Variants in GALNT13 observed in about 807,000 individuals in gnomAD.
GALNT13 encodes polypeptide N-acetylgalactosaminyltransferase 13, also known as UDP-GalNAc:polypeptide N-acetylgalactosaminyltransferase 13.
A neutral mutation model predicts 64.2 loss-of-function variants in GALNT13; 28 were observed. The observed-to-expected ratio is 0.44, with a 90% confidence interval of 0.32 to 0.60. GALNT13 has a LOEUF of 0.60. Among genes scored for constraint, GALNT13 ranks in the 20% least tolerant of loss-of-function variants. The probability of loss-of-function intolerance (pLI) is 0.05; values close to 1 mark genes in which losing one functional copy is unlikely to be tolerated. For synonymous variants in GALNT13, 214 were observed against 224.6 expected, an observed-to-expected ratio of 0.95 and a Z score of 0.42; for missense variants, 577 against 669.8, an observed-to-expected ratio of 0.86 and a Z score of 1.53.
chr2:154,056,101 T>G (rs2105356661), intron 3 of GALNT13, among the ~76,000 whole-genome samples: 1 of 152,220 alleles, frequency 6.6e-6, no homozygotes, highest in South Asian at 2.1e-4. Context: ...TTAGTTTTAT[T>G]GCTTAGAGCT....
chr2:153,924,291 T>G (rs755716928), intron 2 of GALNT13, among the ~76,000 whole-genome samples: 10 of 147,622 alleles, frequency 6.8e-5, no homozygotes, highest in Non-Finnish European at 1.3e-4. Context: ...AGCTTCCACT[T>G]ATAAATGAGA....
At chr2:153,688,717 T>C in the GALNT13 span, among the ~76,000 whole-genome samples, 1 of 152,052 alleles carries the variant, frequency 6.6e-6, no homozygotes, top group Non-Finnish European at 1.5e-5. Flanking sequence ...CTTATTTATA[T>C]CTGGCTTCTT....
In GALNT13 at chr2:154,446,536, T is replaced by C. The variant is rs1415297797; in HGVS notation, c.1531-3875T>C. 23 of 1,513,716 alleles carry C rather than the reference T, an allele frequency of 1.5e-5. No homozygotes were observed. In the Middle Eastern group the frequency reaches 5.2e-4, roughly 34 times the overall value. The allele number at this position is 1,513,716 out of a possible 1,614,324, so 93.8% of individuals were successfully genotyped here. A position where few individuals can be genotyped will look rare whatever the true frequency, so the allele number is the denominator to read the frequency against. On this transcript the variant is annotated intron_variant, in intron 12 of 12. Coordinates refer to ENST00000392825, the MANE Select transcript of GALNT13 (RefSeq NM_052917.4). ...TTATTACTGTCTTTGTACTTGATTT[T>C]GTCATTATTCGTTATTTTCTTTGTC...
At chr2:153,557,943 A>G in the GALNT13 span, among the ~76,000 whole-genome samples, 56,135 of 151,994 alleles carry the variant, frequency 0.37, 10,707 homozygotes, top group African/African-American at 0.44. Flanking sequence ...CAAGCATCAG[A>G]TAAGTGGCAT....
intron 3 of GALNT13, among the ~76,000 whole-genome samples, chr2:153,946,301 T>A (rs1413508621): frequency 2.0e-5 from 3 of 152,126 alleles, no homozygotes; most frequent in Non-Finnish European, 4.4e-5. Context: ...TTTTGCTGAT[T>A]TATGTCCTTA....
the GALNT13 span, among the ~76,000 whole-genome samples, chr2:153,119,305 T>C: frequency 5.3e-5 from 8 of 152,172 alleles, no homozygotes; most frequent in Non-Finnish European, 1.2e-4. Context: ...ACAGGGCTTA[T>C]TAACAACTAT....
At chr2:153,252,648 A>G in the GALNT13 span, among the ~76,000 whole-genome samples, 1 of 152,166 alleles carries the variant, frequency 6.6e-6, no homozygotes, top group Non-Finnish European at 1.5e-5. Context: ...TAATTTTTGT[A>G]TAATGTGTAA....
chr2:153,810,940 T>C, the GALNT13 span, among the ~76,000 whole-genome samples: 17 of 152,136 alleles, frequency 1.1e-4, no homozygotes, highest in African/African-American at 4.1e-4. Context: ...AAAAGAATAA[T>C]TGTCATTGTT....
the GALNT13 span, among the ~76,000 whole-genome samples, chr2:153,294,619 T>C: frequency 6.6e-6 from 1 of 152,154 alleles, no homozygotes; most frequent in Non-Finnish European, 1.5e-5. Context: ...AGATGTTGAA[T>C]GTGAGGGAGC....
chr2:154,228,147 C>G (rs903027262), intron 4 of GALNT13, among the ~76,000 whole-genome samples: 1 of 151,808 alleles, frequency 6.6e-6, no homozygotes, highest in Non-Finnish European at 1.5e-5. Context: ...AGAAATAACT[C>G]CAAGAACAGT....
intron 7 of GALNT13, among the ~76,000 whole-genome samples, chr2:154,252,598 C>T (rs1022601738): frequency 6.6e-5 from 10 of 152,086 alleles, no homozygotes; most frequent in South Asian, 2.1e-4. Context: ...CCTCGTGATC[C>T]GCCTGCCTCA....
intron 9 of GALNT13, among the ~76,000 whole-genome samples, chr2:154,362,873 C>A (rs149841138): frequency 1.1e-4 from 17 of 152,068 alleles, no homozygotes; most frequent in African/African-American, 3.6e-4. Flanking sequence ...CGTAGGTCAA[C>A]CTTTCAAACC....
the GALNT13 span, among the ~76,000 whole-genome samples, chr2:153,273,272 T>C: frequency 6.6e-6 from 1 of 152,102 alleles, no homozygotes; most frequent in African/African-American, 2.4e-5. Flanking sequence ...GAACTTAAAG[T>C]ATAATTTTTT....
chr2:153,410,081 A>T, the GALNT13 span, among the ~76,000 whole-genome samples: 2 of 152,170 alleles, frequency 1.3e-5, no homozygotes, highest in African/African-American at 2.4e-5. Context: ...CAAAGTCCTA[A>T]ATGAAAATGC....
the GALNT13 span, among the ~76,000 whole-genome samples, chr2:153,636,008 C>T: frequency 6.6e-6 from 1 of 152,096 alleles, no homozygotes; most frequent in Non-Finnish European, 1.5e-5. Flanking sequence ...GGGATGAGAA[C>T]ACTGTGAAGA....
the GALNT13 span, among the ~76,000 whole-genome samples, chr2:153,823,647 A>G: frequency 1.3e-5 from 2 of 152,236 alleles, no homozygotes; most frequent in African/African-American, 2.4e-5. Flanking sequence ...TAAATGTAAG[A>G]CATACCACTG....
At chr2:153,828,352 G>A in the GALNT13 span, among the ~76,000 whole-genome samples, 44,112 of 152,178 alleles carry the variant, frequency 0.29, 6,982 homozygotes, top group Middle Eastern at 0.43. Flanking sequence ...TTCTGCCTGG[G>A]CATCCAGGAG....
At chr2:154,021,166 A>G (rs536830886) in intron 3 of GALNT13, among the ~76,000 whole-genome samples, 1 of 152,088 alleles carries the variant, frequency 6.6e-6, no homozygotes, top group Non-Finnish European at 1.5e-5. Context: ...TTGGCTTAGG[A>G]TTGACTTGGC....
At chr2:153,712,296 A>G in the GALNT13 span, among the ~76,000 whole-genome samples, 1 of 152,206 alleles carries the variant, frequency 6.6e-6, no homozygotes, top group Non-Finnish European at 1.5e-5. Context: ...CTTTTGAAAG[A>G]AGCTACCAAT....
Sources: allele counts gnomAD v4.1 joint callset (sites outside exome capture counted in the v4.1 genomes callset), GRCh38; gene constraint gnomAD v4.1.1; transcripts MANE v1.5; gene names NCBI Gene and HGNC (gene_info 2026-07-23, HGNC 2026-07-21).